GDPD4: variants seen among roughly 807,000 people sequenced by gnomAD.
GDPD4 encodes the protein glycerophosphodiester phosphodiesterase 6.
Under a neutral mutation model 67.8 loss-of-function variants are expected in GDPD4, and 60 were observed. The ratio of observed to expected loss-of-function variants is 0.88; its 90% confidence interval spans 0.72 to 1.10. The LOEUF (loss-of-function observed/expected upper bound fraction) is 1.10, where lower values mean the gene tolerates loss of function less well. GDPD4 is among the 50% of genes least tolerant of loss of function. GDPD4 has a pLI of 0.00. For synonymous variants in GDPD4, 212 were observed against 210.9 expected, an observed-to-expected ratio of 1.00 and a Z score of -0.04; for missense variants, 623 against 613.9, an observed-to-expected ratio of 1.01 and a Z score of -0.16.
intron 1 of GDPD4, among the ~76,000 whole-genome samples, chr11:77,292,476 A>C (rs1424621939): frequency 6.6e-6 from 1 of 152,204 alleles, no homozygotes; most frequent in Non-Finnish European, 1.5e-5. Flanking sequence ...TGATATTTAT[A>C]ATGCTAAATG....
chr11:77,252,071 T>TTTTTTGTTTTG (rs1958914628), intron 11 of GDPD4, among the ~76,000 whole-genome samples: 1 of 141,004 alleles, frequency 7.1e-6, no homozygotes, highest in Non-Finnish European at 1.5e-5. Flanking sequence ...TTTTGTTTTT[T>TTTTTTGTTTTG]TTTTTTTTTT....
chr11:77,298,398 G>A (rs1190298168), intron 1 of GDPD4, among the ~76,000 whole-genome samples: 1 of 152,158 alleles, frequency 6.6e-6, no homozygotes, highest in Non-Finnish European at 1.5e-5. Context: ...TGTAATCCCA[G>A]CTACTTGCGA....
intron 1 of GDPD4, among the ~76,000 whole-genome samples, chr11:77,300,441 C>T (rs1938121085): frequency 6.6e-6 from 1 of 151,948 alleles, no homozygotes; most frequent in South Asian, 2.1e-4. Context: ...ATTTCTTTTG[C>T]GGCACCGAAA....
rs748692563 is a variant in GDPD4, at chr11:77,271,405, G to GA, written c.208-13dup. The GA allele has an allele frequency of 3.7e-5, 58 of 1,561,346 alleles. No homozygotes were observed. The highest frequency in any genetic ancestry group is 3.7e-4 in the Middle Eastern group (2 of 5,346). ...AGCAGAATCAGGATCTAGGGAAACA[G>GA]AAAAAAAATCTCCTGACTTCAAGCA... On this transcript the variant is annotated splice_polypyrimidine_tract_variant and intron_variant, in intron 5 of 16. Transcript: ENST00000315938.
rs1250064819 is a variant in GDPD4 at position 77,216,664 on chromosome 11, C to G, written c.*613G>C. ...CTGACAGCAACCAGTTCCAAGACCA[C>G]ACACAGCAGTTTTCCCCTTGCCTAG... On this transcript the variant is annotated 3_prime_UTR_variant, in exon 17 of 17. Transcript: ENST00000315938. 1 of 506,310 alleles carries G rather than the reference C, an allele frequency of 2.0e-6. No individual in the cohort carries two copies. The highest frequency in any genetic ancestry group is 1.9e-5 in the African/African-American group (1 of 52,338). 31.4% of individuals were successfully genotyped at this position (506,310 alleles called of 1,614,324 possible).
chr11:77,219,414 G>T (rs1196321757), intron 16 of GDPD4, among the ~76,000 whole-genome samples: 1 of 152,134 alleles, frequency 6.6e-6, no homozygotes, highest in Non-Finnish European at 1.5e-5. Context: ...GGCTTTTGTT[G>T]CCATTGCTTT....
chr11:77,244,100 C>A (rs1958731435), intron 12 of GDPD4, among the ~76,000 whole-genome samples: 1 of 152,220 alleles, frequency 6.6e-6, no homozygotes, highest in Non-Finnish European at 1.5e-5. Flanking sequence ...ACTGTAAGCT[C>A]CGCCACCCGG....
At chr11:77,244,793 C>A (rs764085303) in intron 12 of GDPD4, among the ~76,000 whole-genome samples, 1 of 152,192 alleles carries the variant, frequency 6.6e-6, no homozygotes, top group Non-Finnish European at 1.5e-5. Flanking sequence ...TCACTCACAG[C>A]ACTCCCATAT....
chr11:77,298,026 T>A (rs1469138243), intron 1 of GDPD4, among the ~76,000 whole-genome samples: 1 of 151,872 alleles, frequency 6.6e-6, no homozygotes, highest in Non-Finnish European at 1.5e-5. Context: ...ATGAAGACAT[T>A]TTGGAAGTTC....
chr11:77,271,201 A>G lies in GDPD4; in HGVS notation c.329T>C (p.Leu110Pro). 1 of 1,612,946 alleles carries G rather than the reference A, an allele frequency of 6.2e-7. No homozygotes were observed. Among genetic ancestry groups the G allele is most frequent in the Non-Finnish European group, 8.5e-7 (1 of 1,179,632 alleles). Reference protein sequence around the residue: ...SMQIFAPYVHLVSITVMVILF... With the variant: ...SMQIFAPYVHPVSITVMVILF... ...GATAACCATCACAGTTATGCTGACC[A>G]GGTGCACGTAGGGAGCAAAGATCTG... The change falls in exon 7 of 17, where the codon CTG becomes CCG. Residue 110 changes from leucine (L) to proline (P), a missense_variant. Physicochemically the swap from Leu to Pro is moderately conservative, Grantham distance 98. Coordinates refer to ENST00000315938, the MANE Select transcript of GDPD4 (RefSeq NM_182833.3).
chr11:77,222,291 T>G (rs1225098849), intron 16 of GDPD4, among the ~76,000 whole-genome samples: 1 of 152,224 alleles, frequency 6.6e-6, no homozygotes, highest in African/African-American at 2.4e-5. Flanking sequence ...TTTTGCTTGT[T>G]AGTTGATGCA....
At chr11:77,282,243 C>G (rs530739977) in intron 3 of GDPD4, among the ~76,000 whole-genome samples, 1 of 151,258 alleles carries the variant, frequency 6.6e-6, no homozygotes, top group African/African-American at 2.4e-5. Context: ...AGGGTAGGTA[C>G]AAAAAAGACA....
At chr11:77,255,448 C>T (rs1357249605) in intron 11 of GDPD4, among the ~76,000 whole-genome samples, 1 of 151,992 alleles carries the variant, frequency 6.6e-6, no homozygotes, top group Non-Finnish European at 1.5e-5. Context: ...CCTGTAGTCC[C>T]AGCTATTCAG....
chr11:77,276,394 T>A (rs994522756), intron 4 of GDPD4, among the ~76,000 whole-genome samples, 174 bp from the exon 5 acceptor site: 9 of 152,154 alleles, frequency 5.9e-5, no homozygotes, highest in Non-Finnish European at 8.8e-5. Flanking sequence ...CTGAAAAAGC[T>A]CCCTCTCCCT....
chr11:77,224,382 C>T (rs1025633260), intron 16 of GDPD4: 3 of 152,186 alleles, frequency 2.0e-5, no homozygotes, highest in Admixed American at 2.0e-4. Context: ...GACAAAGGTT[C>T]TGGGATAATT....
chr11:77,221,734 GCTGT>G (rs1366753573), intron 16 of GDPD4, among the ~76,000 whole-genome samples: 13 of 152,196 alleles, frequency 8.5e-5, no homozygotes, highest in Non-Finnish European at 1.8e-4. Context: ...CAGTTCTGTA[GCTGT>G]CTATTAGGTC....
intron 2 of GDPD4, among the ~76,000 whole-genome samples, chr11:77,286,553 C>A (rs1427884484): frequency 2.0e-5 from 3 of 152,200 alleles, no homozygotes; most frequent in Admixed American, 2.0e-4. Flanking sequence ...AATGACCCAA[C>A]TGGTCTGATT....
intron 8 of GDPD4, among the ~76,000 whole-genome samples, chr11:77,269,406 G>A (rs953602991): frequency 6.6e-6 from 1 of 152,140 alleles, no homozygotes; most frequent in African/African-American, 2.4e-5. Flanking sequence ...GGAGGAGCTT[G>A]GCTGATTCTA....
intron 2 of GDPD4, among the ~76,000 whole-genome samples, chr11:77,285,678 C>T (rs1959967170): frequency 6.6e-6 from 1 of 152,086 alleles, no homozygotes; most frequent in Admixed American, 6.6e-5. Context: ...TAGTAAAATG[C>T]TAGGGAATTT....
Sources: allele counts gnomAD v4.1 joint callset (sites outside exome capture counted in the v4.1 genomes callset), GRCh38; gene constraint gnomAD v4.1.1; transcripts MANE v1.5; gene names NCBI Gene and HGNC (gene_info 2026-07-23, HGNC 2026-07-21).